Variants in NEMP2 observed in about 807,000 individuals in gnomAD.
NEMP2 encodes the protein UPF0571 transmembrane protein.
In NEMP2, 53 loss-of-function variants were observed where a neutral mutation model predicts 54.2. That is an observed-to-expected ratio of 0.98 (90% CI 0.78 to 1.23). The LOEUF is 1.23. NEMP2 is among the 50% of genes most tolerant of loss of function. NEMP2 has a pLI of 0.00. For missense variants in NEMP2, 455 were observed against 511.3 expected (o/e 0.89, Z 1.06); for synonymous variants, 197 against 190.3 (o/e 1.04, Z -0.29).
the NEMP2 span, chr2:190,620,436 A>G: frequency 6.6e-6 from 1 of 152,194 alleles, no homozygotes; most frequent in East Asian, 1.9e-4. This position sits in a 1 kb window ranked among gnomAD's most constrained non-coding sequence, Gnocchi z 4.9. Flanking sequence ...AAAAACAAAA[A>G]CAAAACAAAA....
At chr2:190,467,180 T>C in the NEMP2 span, among the ~76,000 whole-genome samples, 1 of 152,188 alleles carries the variant, frequency 6.6e-6, no homozygotes, top group East Asian at 1.9e-4. This position sits in a 1 kb window ranked among gnomAD's most constrained non-coding sequence, Gnocchi z 5.5. Context: ...GACCACTGGT[T>C]CTCCACCCTG....
the NEMP2 span, among the ~76,000 whole-genome samples, chr2:190,644,057 G>C: frequency 1.3e-5 from 2 of 152,172 alleles, no homozygotes; most frequent in African/African-American, 4.8e-5. The surrounding 1 kb of genome is among the most constrained non-coding windows in gnomAD (Gnocchi z 4.4). Context: ...AATCTCATTT[G>C]CCTCAATGGA....
chr2:190,488,805 A>G, the NEMP2 span: 1 of 1,569,400 alleles, frequency 6.4e-7, no homozygotes, highest in Non-Finnish European at 8.6e-7. This position sits in a 1 kb window ranked among gnomAD's most constrained non-coding sequence, Gnocchi z 6.4. Flanking sequence ...GAGGCGTGTT[A>G]GTCAATTATT....
chr2:190,497,405 T>G, the NEMP2 span: 2 of 1,598,438 alleles, frequency 1.3e-6, no homozygotes, highest in Non-Finnish European at 1.7e-6. The surrounding 1 kb of genome is among the most constrained non-coding windows in gnomAD (Gnocchi z 5.2). Flanking sequence ...TAGAAAATGC[T>G]GAAAAAATAG....
At chr2:190,609,019 T>C in the NEMP2 span, 1 of 152,172 alleles carries the variant, frequency 6.6e-6, no homozygotes, top group Non-Finnish European at 1.5e-5. The surrounding 1 kb of genome is among the most constrained non-coding windows in gnomAD (Gnocchi z 4.7). Context: ...GATTACAGCA[T>C]GCTCTTGGCA....
the NEMP2 span, chr2:190,469,895 C>A: frequency 1.4e-6 from 2 of 1,458,840 alleles, no homozygotes; most frequent in Non-Finnish European, 1.9e-6. The surrounding 1 kb of genome is among the most constrained non-coding windows in gnomAD (Gnocchi z 5.3). Context: ...TCTCTGCCTT[C>A]CCTGAGCTGT....
the NEMP2 span, among the ~76,000 whole-genome samples, chr2:190,605,715 A>G: frequency 1.3e-5 from 2 of 152,168 alleles, no homozygotes; most frequent in African/African-American, 4.8e-5. Context: ...CAGCTGCTCA[A>G]CTTTTCATTT....
chr2:190,503,707 G>A (rs1283607628), downstream of NEMP2, among the ~76,000 whole-genome samples: 1 of 152,188 alleles, frequency 6.6e-6, no homozygotes, highest in African/African-American at 2.4e-5. This position sits in a 1 kb window ranked among gnomAD's most constrained non-coding sequence, Gnocchi z 6.3. Flanking sequence ...AACCACTCCT[G>A]GGCTTGTTTA....
At chr2:190,500,593 T>G (rs1047366850), downstream of NEMP2, 1 of 184,678 alleles carries the variant, frequency 5.4e-6, no homozygotes, top group African/African-American at 2.3e-5. This position sits in a 1 kb window ranked among gnomAD's most constrained non-coding sequence, Gnocchi z 5.3. Context: ...ATAATTTCCC[T>G]CTTCTGATTA....
the NEMP2 span, among the ~76,000 whole-genome samples, chr2:190,623,798 C>CA: frequency 2.6e-5 from 4 of 151,882 alleles, no homozygotes; most frequent in East Asian, 7.7e-4. Flanking sequence ...GCAGCCAAAA[C>CA]AAAAATAGAC....
the NEMP2 span, chr2:190,477,086 G>A: frequency 6.2e-6 from 1 of 161,482 alleles, no homozygotes; most frequent in South Asian, 2.1e-4. Flanking sequence ...GATAGCATTA[G>A]GAGATATACC....
At chr2:190,635,414 G>C in the NEMP2 span, among the ~76,000 whole-genome samples, 2 of 152,252 alleles carry the variant, frequency 1.3e-5, no homozygotes, top group East Asian at 3.9e-4. The surrounding 1 kb of genome is among the most constrained non-coding windows in gnomAD (Gnocchi z 4.1). Flanking sequence ...GGGCCTTGCT[G>C]TGTTGCCCAG....
chr2:190,538,079 C>T (rs1574329820), upstream of NEMP2, among the ~76,000 whole-genome samples: 1 of 152,188 alleles, frequency 6.6e-6, no homozygotes, highest in East Asian at 1.9e-4. This position sits in a 1 kb window ranked among gnomAD's most constrained non-coding sequence, Gnocchi z 4.1. Flanking sequence ...TCCACTCTAG[C>T]ATTCCAAACT....
At chr2:190,471,525 C>T in the NEMP2 span, among the ~76,000 whole-genome samples, 243 of 152,254 alleles carry the variant, frequency 1.6e-3, no homozygotes, top group African/African-American at 3.3e-3. This position sits in a 1 kb window ranked among gnomAD's most constrained non-coding sequence, Gnocchi z 4.7. Flanking sequence ...AACTGCAAGG[C>T]GGCAGTGAGG....
chr2:190,517,430 C>T, intron 5 of NEMP2, 90 bp downstream of exon 5: 6 of 878,252 alleles, frequency 6.8e-6, no homozygotes, highest in Non-Finnish European at 1.0e-5. Context: ...AAATTAGAAC[C>T]TATCATAATG....
At chr2:190,451,377 T>C in the NEMP2 span, among the ~76,000 whole-genome samples, 3 of 152,220 alleles carry the variant, frequency 2.0e-5, no homozygotes, top group Non-Finnish European at 4.4e-5. This position sits in a 1 kb window ranked among gnomAD's most constrained non-coding sequence, Gnocchi z 5.0. Context: ...GTAGGTAGTA[T>C]TGTTACTAAT....
At chr2:190,632,523 A>G in the NEMP2 span, among the ~76,000 whole-genome samples, 1 of 152,226 alleles carries the variant, frequency 6.6e-6, no homozygotes, top group African/African-American at 2.4e-5. The surrounding 1 kb of genome is among the most constrained non-coding windows in gnomAD (Gnocchi z 4.8). Flanking sequence ...TCAGGTCCTC[A>G]TTACTGTTCT....
the NEMP2 span, among the ~76,000 whole-genome samples, chr2:190,559,752 A>T: frequency 6.6e-6 from 1 of 152,212 alleles, no homozygotes; most frequent in Non-Finnish European, 1.5e-5. This position sits in a 1 kb window ranked among gnomAD's most constrained non-coding sequence, Gnocchi z 4.0. Flanking sequence ...GGTGGTAAAC[A>T]TAGCAGGTAT....
chr2:190,557,471 AG>A, the NEMP2 span, among the ~76,000 whole-genome samples: 1 of 152,236 alleles, frequency 6.6e-6, no homozygotes, highest in Non-Finnish European at 1.5e-5. Flanking sequence ...CAAAATTGAA[AG>A]TGGGATTAAT....
Sources: allele counts gnomAD v4.1 joint callset (sites outside exome capture counted in the v4.1 genomes callset), GRCh38; gene constraint gnomAD v4.1.1; non-coding constraint Gnocchi (gnomAD v3.1); transcripts MANE v1.5; gene names NCBI Gene and HGNC (gene_info 2026-07-23, HGNC 2026-07-21).